The following DOCK2 variants were observed in gnomAD, a reference collection of about 807,000 sequenced individuals.
The protein encoded by DOCK2 is dedicator of cytokinesis protein 2.
In DOCK2, 87 loss-of-function variants were observed where a neutral mutation model predicts 248.9. That is an observed-to-expected ratio of 0.35 (90% CI 0.29 to 0.42). The LOEUF is 0.42. Ranked by LOEUF, DOCK2 falls within the 10% of genes least tolerant of loss-of-function variation. The pLI, the probability that DOCK2 is intolerant of heterozygous loss-of-function variation, is 1.00. For synonymous variants in DOCK2, 805 were observed against 821.6 expected, an observed-to-expected ratio of 0.98 and a Z score of 0.35; for missense variants, 1,747 against 2,300.2, an observed-to-expected ratio of 0.76 and a Z score of 4.92.
chr5:170,062,348 T>C (rs1037991136), intron 44 of DOCK2, among the ~76,000 whole-genome samples: 1 of 152,102 alleles, frequency 6.6e-6, no homozygotes, highest in African/African-American at 2.4e-5. Flanking sequence ...ATGCACCAGA[T>C]AAATATCTAC....
intron 44 of DOCK2, among the ~76,000 whole-genome samples, chr5:170,060,614 A>G (rs1023227621): frequency 2.0e-5 from 3 of 152,206 alleles, no homozygotes; most frequent in Non-Finnish European, 4.4e-5. Flanking sequence ...TAGCAATGGG[A>G]CTTGAACTGC....
chr5:169,874,448 T>C (rs989125332), intron 27 of DOCK2, among the ~76,000 whole-genome samples: 2 of 137,802 alleles, frequency 1.5e-5, no homozygotes, highest in African/African-American at 5.3e-5. Flanking sequence ...TGGTGGTCTG[T>C]GGAGTTTGAG....
chr5:169,668,013 A>G (rs1434956133), intron 2 of DOCK2, among the ~76,000 whole-genome samples: 1 of 152,188 alleles, frequency 6.6e-6, no homozygotes, highest in Non-Finnish European at 1.5e-5. Flanking sequence ...CCATCAAATC[A>G]TTCCCTCATA....
chr5:169,963,002 A>G (rs1446740128), intron 27 of DOCK2, among the ~76,000 whole-genome samples: 1 of 152,172 alleles, frequency 6.6e-6, no homozygotes, highest in African/African-American at 2.4e-5. Flanking sequence ...CAAGGGTGGA[A>G]GAATTGACAT....
intron 35 of DOCK2, 22 bp from the exon 36 acceptor site, chr5:170,036,493 T>TTG: frequency 6.2e-7 from 1 of 1,612,004 alleles, no homozygotes; most frequent in South Asian, 1.1e-5. Flanking sequence ...ACACTCATCA[T>TTG]TGTTTTTCCT....
intron 26 of DOCK2, among the ~76,000 whole-genome samples, chr5:169,817,435 C>A (rs1034880833): frequency 6.6e-6 from 1 of 152,238 alleles, no homozygotes; most frequent in East Asian, 1.9e-4. Flanking sequence ...GTGTTGAAGA[C>A]AAGCTCCTCT....
At chr5:169,649,744 TAAC>T (rs1160761109) in intron 1 of DOCK2, among the ~76,000 whole-genome samples, 4 of 152,202 alleles carry the variant, frequency 2.6e-5, no homozygotes, top group African/African-American at 9.7e-5. Flanking sequence ...GGAAGAGTAA[TAAC>T]TTGAGGTTAC....
chr5:169,769,949 G>A (rs190049136), intron 25 of DOCK2, among the ~76,000 whole-genome samples: 36 of 152,284 alleles, frequency 2.4e-4, no homozygotes, highest in Middle Eastern at 3.4e-3. Flanking sequence ...CTATACACAC[G>A]TTTATGTGCC....
At chr5:170,049,635 A>G (rs1384038995) in intron 40 of DOCK2, among the ~76,000 whole-genome samples, 1 of 152,206 alleles carries the variant, frequency 6.6e-6, no homozygotes, top group Non-Finnish European at 1.5e-5. Flanking sequence ...TGTGCTATGC[A>G]TCGTAGGATG....
intron 27 of DOCK2, among the ~76,000 whole-genome samples, chr5:169,968,485 A>G (rs1777380970): frequency 6.6e-6 from 1 of 152,106 alleles, no homozygotes; most frequent in South Asian, 2.1e-4. Context: ...TTAAGATACC[A>G]CATTACAGGT....
At chr5:169,909,385 T>C (rs1774466027) in intron 27 of DOCK2, among the ~76,000 whole-genome samples, 1 of 152,162 alleles carries the variant, frequency 6.6e-6, no homozygotes, top group South Asian at 2.1e-4. Flanking sequence ...CAGTGGGACA[T>C]AGAATATTTC....
intron 27 of DOCK2, among the ~76,000 whole-genome samples, chr5:169,905,291 G>GT (rs1774214655): frequency 1.9e-5 from 1 of 51,646 alleles, no homozygotes; most frequent in Admixed American, 2.0e-4. Context: ...GTTAGAGCCA[G>GT]TGTTTTTTTT....
intron 36 of DOCK2, among the ~76,000 whole-genome samples, chr5:170,037,267 T>A (rs549159158): frequency 3.7e-4 from 56 of 152,042 alleles, no homozygotes; most frequent in African/African-American, 1.3e-3. Flanking sequence ...TGCATGCATA[T>A]TTTTTGCAAA....
At chr5:169,837,315 C>T (rs959003540) in intron 26 of DOCK2, among the ~76,000 whole-genome samples, 3 of 152,206 alleles carry the variant, frequency 2.0e-5, no homozygotes, top group Non-Finnish European at 4.4e-5. Flanking sequence ...AGTCTCCCTC[C>T]ACTTGCCTGG....
At chr5:169,644,258 G>T (rs947738819) in intron 1 of DOCK2, among the ~76,000 whole-genome samples, 1 of 152,174 alleles carries the variant, frequency 6.6e-6, no homozygotes, top group African/African-American at 2.4e-5. Flanking sequence ...GAACATAGCA[G>T]TTTTATGGTG....
At chr5:169,641,995 T>C (rs1409107036) in intron 1 of DOCK2, among the ~76,000 whole-genome samples, 1 of 152,236 alleles carries the variant, frequency 6.6e-6, no homozygotes, top group Non-Finnish European at 1.5e-5. Context: ...CTGGCAGGTC[T>C]AATTCTCTGT....
intron 30 of DOCK2, among the ~76,000 whole-genome samples, chr5:170,007,220 T>G (rs556677776): frequency 6.6e-6 from 1 of 152,312 alleles, no homozygotes; most frequent in African/African-American, 2.4e-5. Context: ...AATGGCAGTA[T>G]GATTTCTCTG....
intron 30 of DOCK2, among the ~76,000 whole-genome samples, chr5:170,003,885 C>T (rs1408903527): frequency 6.6e-6 from 1 of 152,210 alleles, no homozygotes. Context: ...TGACAACCTC[C>T]TCTGAGTTCC....
At chr5:169,772,369 A>C (rs1481198376) in intron 25 of DOCK2, among the ~76,000 whole-genome samples, 1 of 152,258 alleles carries the variant, frequency 6.6e-6, no homozygotes, top group African/African-American at 2.4e-5. Context: ...TGGGCTCATA[A>C]AGCTACCTTC....
Sources: gnomAD v4.1 joint callset for allele counts (sites outside exome capture counted in the v4.1 genomes callset) on GRCh38, gnomAD v4.1.1 for gene constraint, MANE v1.5 for transcripts, NCBI Gene and HGNC (gene_info 2026-07-23, HGNC 2026-07-21) for gene names.